The following VCL variants were observed in gnomAD, a reference collection of about 807,000 sequenced individuals.
VCL encodes the protein vinculin.
A neutral mutation model predicts 125.7 loss-of-function variants in VCL; 47 were observed. That is an observed-to-expected ratio of 0.37 (90% CI 0.30 to 0.48). The LOEUF is 0.48. VCL is among the 20% of genes least tolerant of loss of function. The pLI, the probability that VCL is intolerant of heterozygous loss-of-function variation, is 0.99. For missense variants in VCL, 1,069 were observed against 1,455.5 expected (o/e 0.73, Z 4.32); for synonymous variants, 458 against 514.6 (o/e 0.89, Z 1.49).
chr10:74,068,148 T>A (rs1354334890), intron 2 of VCL, among the ~76,000 whole-genome samples: 1 of 152,228 alleles, frequency 6.6e-6, no homozygotes, highest in Non-Finnish European at 1.5e-5. Flanking sequence ...TACATATGCA[T>A]ACCTTTGACT....
rs1262678238 is a variant in VCL, at chr10:74,070,972, C to T, written c.391-3C>T. 1.9e-6 allele frequency: 3 copies of T among 1,614,010 alleles called. No homozygotes were observed. Among genetic ancestry groups the T allele is most frequent in the Non-Finnish European group, 1.7e-6 (2 of 1,179,928 alleles). Reference sequence around the variant, plus strand: ...GATTGAATACTCTGAAATATTTTTTCAGGTCCGTAAAATTATTAGAGTTTG... The same window carrying T: ...GATTGAATACTCTGAAATATTTTTTTAGGTCCGTAAAATTATTAGAGTTTG... On this transcript the variant is annotated splice_region_variant and splice_polypyrimidine_tract_variant and intron_variant, in intron 3 of 21. Coordinates refer to ENST00000211998, the MANE Select transcript of VCL (RefSeq NM_014000.3).
At chr10:74,040,154 A>G (rs60297489) in intron 1 of VCL, among the ~76,000 whole-genome samples, 10,255 of 151,816 alleles carry the variant, frequency 0.068, 1,189 homozygotes, top group African/African-American at 0.23. Flanking sequence ...TCCAGCCCGT[A>G]CTCTTTATTA....
intron 1 of VCL, chr10:74,027,879 C>T (rs967953654): frequency 6.6e-6 from 1 of 152,050 alleles, no homozygotes; most frequent in Non-Finnish European, 1.5e-5. Flanking sequence ...TGCCAGTCAC[C>T]ATGTGTCATG....
chr10:74,103,674 A>C, intron 14 of VCL, 146 bp from the exon 15 acceptor site: 1 of 751,756 alleles, frequency 1.3e-6, no homozygotes, highest in South Asian at 1.5e-5. Flanking sequence ...ATTGAGACCA[A>C]ACCTCATGTA....
intron 12 of VCL, among the ~76,000 whole-genome samples, chr10:74,096,370 A>C (rs1244152495): frequency 6.6e-6 from 1 of 152,126 alleles, no homozygotes; most frequent in Non-Finnish European, 1.5e-5. Context: ...TAAATAAATA[A>C]ATAAATGAAA....
At chr10:74,101,921 A>C in intron 14 of VCL, among the ~76,000 whole-genome samples, 1 of 147,148 alleles carries the variant, frequency 6.8e-6, no homozygotes. Context: ...GCTGGAGTCC[A>C]ATGGTGTAAT....
chr10:74,056,017 C>T (rs965050805), intron 2 of VCL, among the ~76,000 whole-genome samples: 3 of 152,256 alleles, frequency 2.0e-5, no homozygotes, highest in East Asian at 1.9e-4. Flanking sequence ...GCAGCTGTAA[C>T]GTTTGTTCCT....
At chr10:74,109,376 T>G (rs1202472333) in intron 18 of VCL, among the ~76,000 whole-genome samples, 1 of 152,126 alleles carries the variant, frequency 6.6e-6, no homozygotes, top group African/African-American at 2.4e-5. Context: ...AGAGTCAGGG[T>G]GCCTGTGATT....
chr10:74,079,883 A>G (rs576046129), intron 6 of VCL, among the ~76,000 whole-genome samples: 2 of 152,300 alleles, frequency 1.3e-5, no homozygotes, highest in Non-Finnish European at 2.9e-5. Context: ...TTGGTAACTT[A>G]TTGAAAGTCG....
rs1186880630 is a variant in VCL, at chr10:74,072,695, TA to T, written c.500-34del. Reference sequence around the variant, plus strand: ...AAAGCCAGACCCGGGATTGTTTCACTACTCACCCTGCACAATTTCTTCTTTG... The same window carrying T: ...AAAGCCAGACCCGGGATTGTTTCACTCTCACCCTGCACAATTTCTTCTTTG... On this transcript the variant is annotated intron_variant, in intron 4 of 21. Coordinates refer to ENST00000211998, the MANE Select transcript of VCL (RefSeq NM_014000.3). 6 of 1,613,700 alleles carry T rather than the reference TA, an allele frequency of 3.7e-6. No individual in the cohort carries two copies. In the African/African-American group the frequency reaches 8.0e-5, roughly 22 times the overall value.
chr10:74,083,766 A>T (rs1229368663), intron 8 of VCL, among the ~76,000 whole-genome samples: 1 of 152,144 alleles, frequency 6.6e-6, no homozygotes, highest in African/African-American at 2.4e-5. Context: ...ATCTTGGCTC[A>T]CTGCAACCTC....
intron 1 of VCL, among the ~76,000 whole-genome samples, chr10:74,007,347 A>G (rs1382986603): frequency 3.3e-5 from 5 of 152,180 alleles, no homozygotes; most frequent in Admixed American, 6.5e-5. Context: ...AATGGGTAGG[A>G]TAGGAATATC....
At chr10:74,035,715 C>T (rs1195286261) in intron 1 of VCL, among the ~76,000 whole-genome samples, 3 of 152,110 alleles carry the variant, frequency 2.0e-5, no homozygotes, top group Non-Finnish European at 1.5e-5. Flanking sequence ...GAGTTTCTCT[C>T]GGCAATGGAA....
At position 74,114,393 on chromosome 10, in the gene VCL, C is replaced by T. The variant is rs771007490; in HGVS notation, c.3153+6C>T. The stretch of plus-strand genomic sequence containing the variant: ...TTAGAACCAACCTCTTACAGGTACT[C>T]GGGGAAAGAGGCTGCGTGTGTGTGT... On this transcript the variant is annotated splice_donor_region_variant and intron_variant, in intron 20 of 21. Coordinates refer to ENST00000211998, the MANE Select transcript of VCL (RefSeq NM_014000.3). The T allele has an allele frequency of 2.2e-5, 36 of 1,607,922 alleles. No individual in the cohort carries two copies. In the Admixed American group the frequency reaches 3.9e-4, roughly 17 times the overall value.
At chr10:74,046,943 T>G (rs1164233111) in intron 2 of VCL, among the ~76,000 whole-genome samples, 3 of 152,212 alleles carry the variant, frequency 2.0e-5, no homozygotes, top group African/African-American at 7.2e-5. Flanking sequence ...ATTTGGTCAC[T>G]TTAAAACAAA....
intron 1 of VCL, among the ~76,000 whole-genome samples, chr10:74,018,519 A>G (rs922346648): frequency 6.6e-6 from 1 of 152,130 alleles, no homozygotes; most frequent in Non-Finnish European, 1.5e-5. Flanking sequence ...TGTTTGAAGC[A>G]TGAGGAAGTT....
chr10:74,022,841 A>G (rs569188750), intron 1 of VCL, among the ~76,000 whole-genome samples: 1 of 152,090 alleles, frequency 6.6e-6, no homozygotes, highest in African/African-American at 2.4e-5. Flanking sequence ...GGGTTTCGCC[A>G]TGTTGGCCAG....
At chr10:74,020,513 C>A (rs1037994442) in intron 1 of VCL, among the ~76,000 whole-genome samples, 4 of 151,928 alleles carry the variant, frequency 2.6e-5, no homozygotes, top group African/African-American at 9.7e-5. Context: ...GATATGTATT[C>A]CAAGCTGGGA....
intron 2 of VCL, among the ~76,000 whole-genome samples, chr10:74,048,116 A>T (rs1296882556): frequency 1.3e-5 from 2 of 152,220 alleles, no homozygotes; most frequent in African/African-American, 4.8e-5. Flanking sequence ...TCAGGAGTGC[A>T]GCAGCTATGC....
Sources: allele counts gnomAD v4.1 joint callset (sites outside exome capture counted in the v4.1 genomes callset), GRCh38; gene constraint gnomAD v4.1.1; transcripts MANE v1.5; gene names NCBI Gene and HGNC (gene_info 2026-07-23, HGNC 2026-07-21).